The following TPTE variants were observed in gnomAD, a reference collection of about 807,000 sequenced individuals.
TPTE encodes putative tyrosine-protein phosphatase TPTE.
A neutral mutation model predicts 84.1 loss-of-function variants in TPTE; 59 were observed. That is an observed-to-expected ratio of 0.70 (90% CI 0.57 to 0.87). TPTE has a LOEUF of 0.87. Among genes scored for constraint, TPTE ranks in the 40% least tolerant of loss-of-function variants. The pLI, the probability that TPTE is intolerant of heterozygous loss-of-function variation, is 0.00. For missense variants in TPTE, 382 were observed against 659.6 expected (o/e 0.58, Z 4.61); for synonymous variants, 130 against 223.5 (o/e 0.58, Z 3.73).
chr21:10,538,526 A>G (rs1466248167), intron 3 of TPTE, among the ~76,000 whole-genome samples, 155 bp from the exon 4 acceptor site: 1 of 152,312 alleles, frequency 6.6e-6, no homozygotes, highest in Non-Finnish European at 1.5e-5. Flanking sequence ...CTCCTTTTTA[A>G]TTAAAAAATG....
chr21:10,562,710 A>C (rs1436980784), intron 10 of TPTE, among the ~76,000 whole-genome samples: 1 of 152,312 alleles, frequency 6.6e-6, no homozygotes, highest in Non-Finnish European at 1.5e-5. Context: ...CTATTTCAAA[A>C]TACATAGAGG....
intron 7 of TPTE, among the ~76,000 whole-genome samples, chr21:10,550,467 A>C (rs1430003907): frequency 1.3e-5 from 2 of 152,308 alleles, no homozygotes; most frequent in Non-Finnish European, 2.9e-5. Flanking sequence ...TTCAAGTTAA[A>C]AACCATAAAA....
chr21:10,544,385 CTAT>C (rs1450760143), intron 7 of TPTE, among the ~76,000 whole-genome samples: 1 of 152,304 alleles, frequency 6.6e-6, no homozygotes, highest in African/African-American at 2.4e-5. Flanking sequence ...AAATGTATTT[CTAT>C]TATTATTGTA....
intron 3 of TPTE, among the ~76,000 whole-genome samples, chr21:10,532,872 T>C (rs1454009083): frequency 6.6e-6 from 1 of 152,304 alleles, no homozygotes; most frequent in African/African-American, 2.4e-5. Context: ...GAAGCTTTCT[T>C]TATGGTACAG....
intron 3 of TPTE, among the ~76,000 whole-genome samples, chr21:10,527,860 A>G (rs906975099): frequency 2.6e-5 from 4 of 152,300 alleles, no homozygotes; most frequent in African/African-American, 9.6e-5. Flanking sequence ...AGGAGAAGCA[A>G]AGATATCTGT....
At chr21:10,545,071 C>G (rs1480905271) in intron 7 of TPTE, among the ~76,000 whole-genome samples, 1 of 152,304 alleles carries the variant, frequency 6.6e-6, no homozygotes, top group African/African-American at 2.4e-5. Context: ...TAATTTGTGT[C>G]AGAAAATTAA....
intron 8 of TPTE, among the ~76,000 whole-genome samples, chr21:10,557,579 G>C (rs1190208733): frequency 1.3e-5 from 2 of 152,424 alleles, no homozygotes; most frequent in East Asian, 3.8e-4. Context: ...CTTGAGGAGA[G>C]AATTCACCTC....
intron 3 of TPTE, among the ~76,000 whole-genome samples, chr21:10,535,569 G>C (rs2074252936): frequency 6.6e-6 from 1 of 152,284 alleles, no homozygotes; most frequent in Non-Finnish European, 1.5e-5. Context: ...TAGTATATTT[G>C]TCACTCTAAG....
At chr21:10,597,043 C>T (rs1289319238) in intron 20 of TPTE, among the ~76,000 whole-genome samples, 2 of 152,290 alleles carry the variant, frequency 1.3e-5, no homozygotes, top group Non-Finnish European at 2.9e-5. Context: ...AATTCTCTAC[C>T]TTTAGTTTTG....
chr21:10,569,033 T>G (rs891057594), intron 11 of TPTE, among the ~76,000 whole-genome samples: 2 of 152,308 alleles, frequency 1.3e-5, no homozygotes, highest in Admixed American at 6.5e-5. Flanking sequence ...TGGAAAAAAT[T>G]GAAAATGCTA....
chr21:10,568,179 A>C (rs1356245242), intron 11 of TPTE, among the ~76,000 whole-genome samples: 2 of 152,306 alleles, frequency 1.3e-5, no homozygotes, highest in Admixed American at 1.3e-4. Context: ...TATCAAAAAA[A>C]TTTATATTGA....
At chr21:10,535,301 T>G (rs1422226728) in intron 3 of TPTE, among the ~76,000 whole-genome samples, 1 of 152,304 alleles carries the variant, frequency 6.6e-6, no homozygotes, top group Non-Finnish European at 1.5e-5. Context: ...TATATACAAG[T>G]AAGTGTATAT....
chr21:10,545,253 T>C (rs530372022), intron 7 of TPTE, among the ~76,000 whole-genome samples: 40 of 149,372 alleles, frequency 2.7e-4, no homozygotes, highest in South Asian at 2.3e-3. Flanking sequence ...CATTCACAAA[T>C]GAAGTAATAC....
chr21:10,589,754 C>T (rs533940016), intron 17 of TPTE, among the ~76,000 whole-genome samples: 8 of 152,422 alleles, frequency 5.2e-5, no homozygotes, highest in South Asian at 2.1e-4. Context: ...TTTTATCAGT[C>T]GAATGCTGTC....
chr21:10,537,097 C>T (rs1362311945), intron 3 of TPTE, among the ~76,000 whole-genome samples: 34 of 152,404 alleles, frequency 2.2e-4, no homozygotes, highest in African/African-American at 8.2e-4. Context: ...AAAAACAAGG[C>T]ACTCATGAAG....
chr21:10,544,986 C>T (rs1414270866), intron 7 of TPTE, among the ~76,000 whole-genome samples: 5 of 152,296 alleles, frequency 3.3e-5, no homozygotes, highest in Non-Finnish European at 4.4e-5. Context: ...AATTAAATAC[C>T]ATGTTTCAAA....
At chr21:10,583,983 C>T (rs1303622132) in intron 17 of TPTE, among the ~76,000 whole-genome samples, 1 of 152,430 alleles carries the variant, frequency 6.6e-6, no homozygotes, top group African/African-American at 2.4e-5. Flanking sequence ...TCTATATTTC[C>T]ATATAAATTT....
chr21:10,534,276 G>A (rs1335091613), intron 3 of TPTE, among the ~76,000 whole-genome samples: 1 of 152,306 alleles, frequency 6.6e-6, no homozygotes, highest in Non-Finnish European at 1.5e-5. Flanking sequence ...GTAGGCAGGT[G>A]GAGGAGTGAA....
intron 22 of TPTE, 35 bp downstream of exon 22, chr21:10,602,185 T>C: frequency 1.3e-6 from 2 of 1,590,766 alleles, no homozygotes; most frequent in Non-Finnish European, 1.7e-6. Context: ...GCCATTGTTC[T>C]TGTCTGGTCT....
Sources: gnomAD v4.1 joint callset for allele counts (sites outside exome capture counted in the v4.1 genomes callset) on GRCh38, gnomAD v4.1.1 for gene constraint, MANE v1.5 for transcripts, NCBI Gene and HGNC (gene_info 2026-07-23, HGNC 2026-07-21) for gene names.